The following PFKFB3 variants were observed in gnomAD, a reference collection of about 807,000 sequenced individuals.
PFKFB3 encodes 6-phosphofructo-2-kinase/fructose-2,6-bisphosphatase 3.
A neutral mutation model predicts 68.0 loss-of-function variants in PFKFB3; 33 were observed. That is an observed-to-expected ratio of 0.49 (90% confidence interval 0.37 to 0.65). The LOEUF is 0.65. Ranked by LOEUF, PFKFB3 falls within the 30% of genes least tolerant of loss-of-function variation. The pLI, the probability that PFKFB3 is intolerant of heterozygous loss-of-function variation, is 0.00. For synonymous variants in PFKFB3, 315 were observed against 288.2 expected (o/e 1.09, Z -0.94); for missense variants, 586 against 712.2 (o/e 0.82, Z 2.02).
At chr10:6,236,501 C>T (rs1433737999), downstream of PFKFB3, among the ~76,000 whole-genome samples, 1 of 152,328 alleles carries the variant, frequency 6.6e-6, no homozygotes, top group South Asian at 2.1e-4. Context: ...ATCCCTTAGG[C>T]GCCTGCCGCC....
At chr10:6,256,748 G>T (rs887650423), downstream of PFKFB3, among the ~76,000 whole-genome samples, 27 of 152,358 alleles carry the variant, frequency 1.8e-4, no homozygotes, top group African/African-American at 6.5e-4. Context: ...GCAGAGATGG[G>T]AGGGCCTTTC....
chr10:6,225,175 A>G lies in PFKFB3; in HGVS notation c.1341+962A>G, dbSNP rs115501654. The stretch of plus-strand genomic sequence containing the variant: ...ACCGTGTACAGGCTGCCAAAAGTAC[A>G]ACACTGTGCTAGTACTAGTCAGACC... On this transcript the variant is annotated intron_variant, in intron 13 of 14. Transcript: ENST00000379775. 186 of 456,332 alleles carry G rather than the reference A, an allele frequency of 4.1e-4. 1 individual carries two copies. The highest frequency in any genetic ancestry group is 3.6e-3 in the African/African-American group (180 of 50,196). 28.3% of individuals were successfully genotyped at this position (456,332 alleles called of 1,614,324 possible).
At position 6,217,203 on chromosome 10, in the gene PFKFB3, G is replaced by A. The variant is rs540690152; in HGVS notation, c.498+12G>A. On this transcript the variant is annotated intron_variant, in intron 6 of 14. Coordinates refer to ENST00000379775, the MANE Select transcript of PFKFB3 (RefSeq NM_004566.4). Reference sequence around the variant, plus strand: ...CCTCCAATATCATGGTAAGACAGCCGGGAGCCCCGTGCTTCTGCGGCAGCG... The same window carrying A: ...CCTCCAATATCATGGTAAGACAGCCAGGAGCCCCGTGCTTCTGCGGCAGCG... The A allele has an allele frequency of 2.7e-5, 43 of 1,612,366 alleles. No individual in the cohort carries two copies. In the East Asian group the frequency reaches 7.4e-4, roughly 28 times the overall value.
chr10:6,213,784 G>C (rs1046785417), intron 2 of PFKFB3, 36 bp downstream of exon 2: 1 of 1,597,990 alleles, frequency 6.3e-7, no homozygotes, highest in Non-Finnish European at 8.5e-7. Flanking sequence ...CCCTGCTCGT[G>C]CAAAAACTTG....
intron 14 of PFKFB3, among the ~76,000 whole-genome samples, chr10:6,248,790 A>T (rs1311850972): frequency 6.6e-6 from 1 of 152,222 alleles, no homozygotes; most frequent in African/African-American, 2.4e-5. Flanking sequence ...TGAAAATTAA[A>T]ACCACAATGA....
At chr10:6,308,962 G>A in the PFKFB3 span, among the ~76,000 whole-genome samples, 1 of 152,210 alleles carries the variant, frequency 6.6e-6, no homozygotes, top group East Asian at 1.9e-4. Context: ...ACACGGGAAT[G>A]TGCCAACAAG....
At chr10:6,219,766 A>G (rs1003304351) in intron 7 of PFKFB3, 73 bp downstream of exon 7, 1 of 1,546,718 alleles carries the variant, frequency 6.5e-7, no homozygotes, top group Non-Finnish European at 8.8e-7. Context: ...GTTCCCACAA[A>G]GGATTTGCTC....
chr10:6,299,252 T>A, the PFKFB3 span, among the ~76,000 whole-genome samples: 5 of 152,210 alleles, frequency 3.3e-5, no homozygotes, highest in African/African-American at 1.2e-4. Flanking sequence ...ACGTTGGTTG[T>A]GTTGCTGCTC....
the PFKFB3 span, among the ~76,000 whole-genome samples, chr10:6,307,330 TACACACACACACACAC>T: frequency 3.3e-4 from 33 of 99,246 alleles, no homozygotes; most frequent in Middle Eastern, 9.7e-3. Flanking sequence ...GCATGCGTAC[TACACACACACACACAC>T]ACACACACAC....
At chr10:6,304,927 C>T in the PFKFB3 span, among the ~76,000 whole-genome samples, 1 of 147,294 alleles carries the variant, frequency 6.8e-6, no homozygotes, top group Non-Finnish European at 1.5e-5. Flanking sequence ...AGCTATCCTC[C>T]TGCCTCGGCC....
chr10:6,280,663 G>A, the PFKFB3 span, among the ~76,000 whole-genome samples: 2 of 152,170 alleles, frequency 1.3e-5, no homozygotes, highest in African/African-American at 4.8e-5. Context: ...ATAGAGAGGG[G>A]CATGAGGCTC....
downstream of PFKFB3, among the ~76,000 whole-genome samples, chr10:6,255,914 G>A (rs1040705436): frequency 6.6e-6 from 1 of 152,186 alleles, no homozygotes; most frequent in African/African-American, 2.4e-5. Context: ...TGGGAGGGCA[G>A]CCCTGACATT....
rs1032572163 is a variant in PFKFB3 at position 6,234,707 on chromosome 10, A to G, written c.*1765A>G. ...ACTTGGTTGTATTTTTCGATTTGAC[A>G]TGGAAGGCCTGTTGCTTTGCTCTTG... On this transcript the variant is annotated 3_prime_UTR_variant, in exon 15 of 15. Coordinates refer to ENST00000379775, the MANE Select transcript of PFKFB3 (RefSeq NM_004566.4). 4.6e-5 allele frequency: 7 copies of G among 152,260 alleles called. No homozygotes were observed. Among genetic ancestry groups the G allele is most frequent in the African/African-American group, 1.7e-4 (7 of 41,400 alleles). The allele number at this position is 152,260 out of a possible 1,614,324, so 9.4% of individuals were successfully genotyped here.
chr10:6,318,482 G>A, the PFKFB3 span, among the ~76,000 whole-genome samples: 1 of 152,236 alleles, frequency 6.6e-6, no homozygotes, highest in Non-Finnish European at 1.5e-5. Flanking sequence ...AGGGGGTAGA[G>A]GGGATCCTGT....
At chr10:6,316,437 C>T in the PFKFB3 span, among the ~76,000 whole-genome samples, 1 of 152,214 alleles carries the variant, frequency 6.6e-6, no homozygotes, top group Non-Finnish European at 1.5e-5. Flanking sequence ...ATCCTGGGTT[C>T]AGGAAAAGTT....
chr10:6,224,396 G>T, intron 13 of PFKFB3, 183 bp downstream of exon 13: 4 of 634,306 alleles, frequency 6.3e-6, no homozygotes, highest in South Asian at 1.8e-5. Context: ...GGCTTCTGGG[G>T]CCTTCTCATT....
intron 1 of PFKFB3, among the ~76,000 whole-genome samples, chr10:6,170,556 T>C (rs1383510815): frequency 6.6e-6 from 1 of 152,178 alleles, no homozygotes; most frequent in Non-Finnish European, 1.5e-5. Context: ...ATTTAAAAAG[T>C]ATATTTAAAC....
the PFKFB3 span, among the ~76,000 whole-genome samples, chr10:6,264,533 T>C: frequency 6.6e-6 from 1 of 152,196 alleles, no homozygotes. Context: ...TCTGTGTAGA[T>C]GTATTACACC....
intron 1 of PFKFB3, among the ~76,000 whole-genome samples, chr10:6,210,385 A>C (rs7894711): frequency 1.4e-5 from 1 of 70,562 alleles, no homozygotes; most frequent in African/African-American, 4.0e-5. Context: ...TTTTGAGACG[A>C]AGTTTCGCTC....
Sources: allele counts gnomAD v4.1 joint callset (sites outside exome capture counted in the v4.1 genomes callset), GRCh38; gene constraint gnomAD v4.1.1; transcripts MANE v1.5; gene names NCBI Gene and HGNC (gene_info 2026-07-23, HGNC 2026-07-21).